The following MAPK8 variants were observed in gnomAD, a reference collection of about 807,000 sequenced individuals.
The protein encoded by MAPK8 is mitogen-activated protein kinase 8, also known as JUN N-terminal kinase.
MAPK8 carries 13 observed loss-of-function variants against 52.9 expected under a neutral mutation model. That is an observed-to-expected ratio of 0.25 (90% CI 0.16 to 0.39). The LOEUF (loss-of-function observed/expected upper bound fraction) is 0.39. MAPK8 is among the 10% of genes least tolerant of loss of function. MAPK8 has a pLI of 1.00. For missense variants in MAPK8, 300 were observed against 519.2 expected (o/e 0.58, Z 4.10); for synonymous variants, 191 against 169.8 (o/e 1.12, Z -0.97).
intron 1 of MAPK8, among the ~76,000 whole-genome samples, chr10:48,388,877 T>C (rs1256505175): frequency 6.6e-6 from 1 of 151,994 alleles, no homozygotes; most frequent in African/African-American, 2.4e-5. Context: ...AAGTCCAAGA[T>C]TGGGCACTTC....
At chr10:48,404,641 C>T (rs1030753808) in intron 2 of MAPK8, among the ~76,000 whole-genome samples, 4 of 152,078 alleles carry the variant, frequency 2.6e-5, no homozygotes, top group Admixed American at 2.6e-4. Flanking sequence ...AGTCCACTGT[C>T]TATTTGGATC....
chr10:48,306,843 G>A (rs1270658843), intron 1 of MAPK8, 22 bp downstream of exon 1: 1 of 151,686 alleles, frequency 6.6e-6, no homozygotes, highest in Non-Finnish European at 1.5e-5. Context: ...GGACGCCGCA[G>A]GGCCGGGACG....
intron 1 of MAPK8, among the ~76,000 whole-genome samples, chr10:48,389,889 G>A (rs541529721): frequency 3.9e-4 from 59 of 152,260 alleles, no homozygotes; most frequent in African/African-American, 1.3e-3. Context: ...GTCAAGTAAG[G>A]CATCTCTGAG....
chr10:48,429,937 T>C (rs906886319), intron 10 of MAPK8: 1 of 152,254 alleles, frequency 6.6e-6, no homozygotes, highest in East Asian at 1.9e-4. Context: ...ACTACTTTTA[T>C]ACAATTCTCA....
At chr10:48,336,766 G>T (rs1844731346) in intron 1 of MAPK8, among the ~76,000 whole-genome samples, 1 of 152,128 alleles carries the variant, frequency 6.6e-6, no homozygotes, top group South Asian at 2.1e-4. Context: ...GCAAAAGGTA[G>T]GCATTTCTGG....
chr10:48,385,450 A>G (rs1383235493), intron 1 of MAPK8, among the ~76,000 whole-genome samples: 4 of 152,188 alleles, frequency 2.6e-5, no homozygotes, highest in Non-Finnish European at 4.4e-5. Context: ...AACTTTTCCC[A>G]TATGTATGTT....
At position 48,424,143 on chromosome 10, in the gene MAPK8, C is replaced by T. The variant is rs1208149705; in HGVS notation, c.672C>T (p.Leu224=). Residue 224 remains leucine (L), a synonymous_variant, in exon 7 of 12, where the codon CTC becomes CTT. Coordinates refer to ENST00000374189, the MANE Select transcript of MAPK8 (RefSeq NM_001323329.2). ...GAGAAATGGTTTGCCACAAAATCCT[C>T]TTTCCAGGAAGGGACTGTATCCTTG... is the stretch of plus-strand genomic sequence containing the variant. ...IMGEMVCHKI[L]FPGRDYIDQW... is the part of the protein sequence containing the mutation. The T allele has an allele frequency of 6.2e-7, 1 of 1,612,988 alleles. No homozygotes were observed.
intron 1 of MAPK8, among the ~76,000 whole-genome samples, chr10:48,333,569 G>T (rs1185205738): frequency 6.6e-6 from 1 of 152,216 alleles, no homozygotes; most frequent in Non-Finnish European, 1.5e-5. Context: ...GGGCTGTAAT[G>T]AGGGCCTGGT....
At chr10:48,399,769 C>CT (rs1243127617) in intron 1 of MAPK8, among the ~76,000 whole-genome samples, 1 of 152,150 alleles carries the variant, frequency 6.6e-6, no homozygotes, top group Non-Finnish European at 1.5e-5. Flanking sequence ...TTATCTTAAT[C>CT]TTTTTGAGAG....
At chr10:48,316,765 T>A (rs1842540826) in intron 1 of MAPK8, among the ~76,000 whole-genome samples, 3 of 152,174 alleles carry the variant, frequency 2.0e-5, no homozygotes, top group Admixed American at 2.0e-4. Flanking sequence ...TCAGTAGAGA[T>A]CTCATTGCTT....
intron 1 of MAPK8, among the ~76,000 whole-genome samples, chr10:48,357,702 TA>T (rs2132499321): frequency 6.6e-6 from 1 of 152,354 alleles, no homozygotes; most frequent in East Asian, 1.9e-4. Context: ...CCATCAATCT[TA>T]TTTTTTAAAA....
At chr10:48,386,384 T>A in intron 1 of MAPK8, among the ~76,000 whole-genome samples, 1 of 152,204 alleles carries the variant, frequency 6.6e-6, no homozygotes. Context: ...TTTCTTAGAT[T>A]TAAAATTAAA....
At chr10:48,366,296 T>C (rs1848031708) in intron 1 of MAPK8, among the ~76,000 whole-genome samples, 1 of 152,014 alleles carries the variant, frequency 6.6e-6, no homozygotes, top group South Asian at 2.1e-4. Flanking sequence ...CTTAACAAAG[T>C]TTATTTGAGC....
At chr10:48,337,296 C>A (rs915880601) in intron 1 of MAPK8, among the ~76,000 whole-genome samples, 1 of 152,064 alleles carries the variant, frequency 6.6e-6, no homozygotes, top group Non-Finnish European at 1.5e-5. Context: ...AATTAGAAAT[C>A]AATACCAAGA....
chr10:48,374,929 C>T (rs888930370), intron 1 of MAPK8, among the ~76,000 whole-genome samples: 1 of 152,050 alleles, frequency 6.6e-6, no homozygotes, highest in Non-Finnish European at 1.5e-5. Context: ...GGCAGAGACA[C>T]AATAAAAAAA....
chr10:48,369,667 G>T (rs897526160), intron 1 of MAPK8, among the ~76,000 whole-genome samples: 6 of 152,108 alleles, frequency 3.9e-5, no homozygotes, highest in African/African-American at 1.4e-4. Context: ...GCCATGAAGA[G>T]AATCTGAGGG....
chr10:48,356,128 A>G (rs1019346160), intron 1 of MAPK8, among the ~76,000 whole-genome samples: 1 of 152,248 alleles, frequency 6.6e-6, no homozygotes. Context: ...AAAGCATAAG[A>G]GTAATAAATA....
At chr10:48,313,891 G>T (rs984417564) in intron 1 of MAPK8, among the ~76,000 whole-genome samples, 2 of 152,196 alleles carry the variant, frequency 1.3e-5, no homozygotes, top group African/African-American at 4.8e-5. Flanking sequence ...GAGTAGCTGG[G>T]ATTACAGGTG....
At chr10:48,425,463 G>A (rs1395639498) in intron 7 of MAPK8, 1 of 411,318 alleles carries the variant, frequency 2.4e-6, no homozygotes, top group African/African-American at 2.1e-5. Flanking sequence ...CAGTAAAACA[G>A]GATGTGTTCT....
Sources: allele counts gnomAD v4.1 joint callset (sites outside exome capture counted in the v4.1 genomes callset), GRCh38; gene constraint gnomAD v4.1.1; transcripts MANE v1.5; gene names NCBI Gene and HGNC (gene_info 2026-07-23, HGNC 2026-07-21).